TBC1D9: variants seen among roughly 807,000 people sequenced by gnomAD.
The protein encoded by TBC1D9 is TBC1 domain family member 9, also known as TBC1 domain family member 9A.
Under a neutral mutation model 132.0 loss-of-function variants are expected in TBC1D9, and 63 were observed. That is an observed-to-expected ratio of 0.48 (90% CI 0.39 to 0.59). TBC1D9 has a LOEUF of 0.59. Among genes scored for constraint, TBC1D9 ranks in the 20% least tolerant of loss-of-function variants. TBC1D9 has a pLI of 0.00. For synonymous variants in TBC1D9, 610 were observed against 609.9 expected (o/e 1.00, Z 0.00); for missense variants, 1,261 against 1,592.7 (o/e 0.79, Z 3.54).
At chr4:140,641,105 C>CA (rs1038335139) in intron 13 of TBC1D9, among the ~76,000 whole-genome samples, 69 of 59,800 alleles carry the variant, frequency 1.2e-3, no homozygotes, top group Admixed American at 1.6e-3. Context: ...AAAAAAAAAA[C>CA]AAAAAAAAAC....
chr4:140,730,080 C>T (rs145933241), intron 1 of TBC1D9, among the ~76,000 whole-genome samples: 1 of 152,258 alleles, frequency 6.6e-6, no homozygotes, highest in Non-Finnish European at 1.5e-5. Flanking sequence ...AAAGTCTTCA[C>T]CCACTTTATG....
intron 13 of TBC1D9, chr4:140,643,608 G>A (rs1737047609): frequency 5.4e-6 from 5 of 933,744 alleles, no homozygotes; most frequent in East Asian, 5.3e-5. Flanking sequence ...TTCCTCCGGC[G>A]CTGCCTCTGC....
chr4:140,709,273 CA>C (rs1260892077), intron 1 of TBC1D9, among the ~76,000 whole-genome samples: 10 of 151,394 alleles, frequency 6.6e-5, no homozygotes, highest in African/African-American at 2.4e-4. Flanking sequence ...CACACACACA[CA>C]CACACACACA....
At chr4:140,662,131 G>C in intron 9 of TBC1D9, 24 bp from the exon 10 acceptor site, 1 of 1,590,684 alleles carries the variant, frequency 6.3e-7, no homozygotes, top group South Asian at 1.1e-5. Flanking sequence ...AACAGATACA[G>C]TATCAAAAAC....
intron 1 of TBC1D9, among the ~76,000 whole-genome samples, chr4:140,738,448 T>C (rs1250609602): frequency 6.6e-6 from 1 of 152,092 alleles, no homozygotes; most frequent in African/African-American, 2.4e-5. Context: ...ATTGCCTACC[T>C]CTCTCTCCCT....
intron 5 of TBC1D9, 100 bp from the exon 6 acceptor site, chr4:140,677,201 A>C: frequency 1.5e-6 from 2 of 1,373,942 alleles, no homozygotes; most frequent in Non-Finnish European, 2.0e-6. Flanking sequence ...CACCTCCTCA[A>C]TCTTGCTAGA....
chr4:140,751,660 A>C (rs1056029023), intron 1 of TBC1D9, among the ~76,000 whole-genome samples: 3 of 152,222 alleles, frequency 2.0e-5, no homozygotes, highest in Non-Finnish European at 4.4e-5. Context: ...GTAAATAGGT[A>C]AGGAACAAAT....
Position 140,622,766 on chromosome 4 carries a change from T to C in TBC1D9, c.3230A>G (p.Glu1077Gly). Reference sequence around the variant, plus strand: ...CGGCCCACTGCCTCCGCTCCCGCCCTCCTTTGCAGGCTGGGCCACGAACAA... The same window carrying C: ...CGGCCCACTGCCTCCGCTCCCGCCCCCCTTTGCAGGCTGGGCCACGAACAA... ...GKLFVAQPAK[E>G]GGSGGSGPSC... is the part of the protein sequence containing the mutation. Residue 1077 changes from glutamate to glycine, a missense_variant, in exon 21 of 21, where the codon GAG becomes GGG. By Grantham distance (98) the Glu-to-Gly change is moderately conservative (BLOSUM62 -2). Transcript: ENST00000442267. 1 of 1,604,988 alleles carries C rather than the reference T, an allele frequency of 6.2e-7. No individual in the cohort carries two copies.
chr4:140,656,181 T>G lies in TBC1D9; in HGVS notation c.2337+916A>C, dbSNP rs115550418. Among the ~76,000 whole-genome samples, 322 of 152,296 alleles carry G rather than the reference T, an allele frequency of 2.1e-3. 2 individuals are homozygous for G. The highest frequency in any genetic ancestry group is 6.8e-3 in the African/African-American group (284 of 41,540). ...AGGAATGTAGAAGTAGTTCTCAATGTAGAAGGAAGCAGGTAAGCCTATAGT... is the reference window on the plus strand; with the variant it reads ...AGGAATGTAGAAGTAGTTCTCAATGGAGAAGGAAGCAGGTAAGCCTATAGT... On this transcript the variant is annotated intron_variant, in intron 13 of 20. Coordinates refer to ENST00000442267, the MANE Select transcript of TBC1D9 (RefSeq NM_015130.3).
chr4:140,679,331 G>C, intron 4 of TBC1D9, 128 bp from the exon 5 acceptor site: 2 of 1,056,470 alleles, frequency 1.9e-6, no homozygotes, highest in Non-Finnish European at 1.4e-6. Flanking sequence ...TATTTGTTTT[G>C]CTTGTTCATT....
At chr4:140,739,450 T>C (rs536285375) in intron 1 of TBC1D9, among the ~76,000 whole-genome samples, 3 of 152,320 alleles carry the variant, frequency 2.0e-5, no homozygotes, top group African/African-American at 7.2e-5. Context: ...ATCCAAGCTC[T>C]GCCTATGCTA....
At chr4:140,753,306 C>T (rs1327422066) in intron 1 of TBC1D9, among the ~76,000 whole-genome samples, 2 of 151,710 alleles carry the variant, frequency 1.3e-5, no homozygotes, top group East Asian at 3.9e-4. Flanking sequence ...GTTGCCCAGT[C>T]CGGATTTGAA....
chr4:140,637,434 T>C (rs1344575318), intron 15 of TBC1D9, among the ~76,000 whole-genome samples: 1 of 152,158 alleles, frequency 6.6e-6, no homozygotes, highest in Non-Finnish European at 1.5e-5. Context: ...CCTCCTTCTT[T>C]TGCTTTCCCC....
chr4:140,642,822 G>T, intron 13 of TBC1D9: 1 of 602,068 alleles, frequency 1.7e-6, no homozygotes, highest in Non-Finnish European at 2.9e-6. Context: ...CCCCTCTTGC[G>T]GGCGGGCGAC....
chr4:140,632,107 G>A (rs2110969136), intron 16 of TBC1D9, among the ~76,000 whole-genome samples: 1 of 152,200 alleles, frequency 6.6e-6, no homozygotes, highest in Admixed American at 6.5e-5. Context: ...CTCTATGCTG[G>A]ACTTCAAGAC....
chr4:140,741,168 A>T (rs1738752283), intron 1 of TBC1D9, among the ~76,000 whole-genome samples: 1 of 152,170 alleles, frequency 6.6e-6, no homozygotes. Context: ...TACAAAACAG[A>T]TTCTTTGTAG....
At chr4:140,734,538 T>A (rs1738644959) in intron 1 of TBC1D9, among the ~76,000 whole-genome samples, 1 of 152,146 alleles carries the variant, frequency 6.6e-6, no homozygotes, top group Non-Finnish European at 1.5e-5. Context: ...ACTCCTATAA[T>A]CCCAGTGCTT....
chr4:140,626,361 A>G (rs1349812127), intron 18 of TBC1D9, among the ~76,000 whole-genome samples: 6 of 152,182 alleles, frequency 3.9e-5, no homozygotes, highest in Non-Finnish European at 8.8e-5. Context: ...AACACTATAC[A>G]TAGCTAGTGT....
intron 1 of TBC1D9, 56 bp downstream of exon 1, chr4:140,755,860 G>A (rs927971487): frequency 4.1e-6 from 6 of 1,480,088 alleles, no homozygotes; most frequent in Non-Finnish European, 5.3e-6. Context: ...CCAGGCCGCG[G>A]GCGGCGCCGC....
Sources: allele counts gnomAD v4.1 joint callset (sites outside exome capture counted in the v4.1 genomes callset), GRCh38; gene constraint gnomAD v4.1.1; transcripts MANE v1.5; gene names NCBI Gene and HGNC (gene_info 2026-07-23, HGNC 2026-07-21).